Variants in TPR observed in about 807,000 individuals in gnomAD.
The protein encoded by TPR is nucleoprotein TPR.
In TPR, 51 loss-of-function variants were observed where a neutral mutation model predicts 316.1. The observed-to-expected ratio is 0.16, with a 90% CI of 0.13 to 0.20. The LOEUF (loss-of-function observed/expected upper bound fraction) is 0.20. TPR is among the 10% of genes least tolerant of loss of function. The pLI is 1.00. For missense variants in TPR, 2,272 were observed against 2,754.8 expected (o/e 0.82, Z 3.92); for synonymous variants, 981 against 914.7 (o/e 1.07, Z -1.31).
chr1:186,359,814 A>C lies in TPR; in HGVS notation c.1374T>G (p.Leu458=), dbSNP rs756365134. ...QKAVASLSVK[L]EQAMKEIQRL... is the part of the protein sequence containing the mutation. ...TGGAACCAACCTTCATAGCTTGTTCAAGCTTAACAGATAAACTTGCTACAG... is the reference window on the plus strand; with the variant it reads ...TGGAACCAACCTTCATAGCTTGTTCCAGCTTAACAGATAAACTTGCTACAG... The change falls in exon 12 of 51, where the codon CTT becomes CTG. Residue 458 remains leucine, a synonymous_variant. Coordinates refer to ENST00000367478, the MANE Select transcript of TPR (RefSeq NM_003292.3). 6.3e-7 allele frequency: 1 copy of C among 1,582,814 alleles called. No individual in the cohort carries two copies. Among genetic ancestry groups the C allele is most frequent in the Admixed American group, 2.0e-5 (1 of 50,062 alleles).
At chr1:186,358,817 T>A (rs566604087) in intron 12 of TPR, among the ~76,000 whole-genome samples, 167 bp from the exon 13 acceptor site, 101 of 152,190 alleles carry the variant, frequency 6.6e-4, no homozygotes, top group Non-Finnish European at 1.3e-3. Context: ...AATTTGAATA[T>A]GTTATTTCTC....
chr1:186,363,956 T>C (rs1659263474), intron 4 of TPR, among the ~76,000 whole-genome samples: 1 of 152,180 alleles, frequency 6.6e-6, no homozygotes, highest in South Asian at 2.1e-4. Context: ...TGGAATACTT[T>C]CATAGCCACC....
rs1450768672 is a variant in TPR, at chr1:186,311,694, TG to T, written c.*2276del. 24 of 1,265,304 alleles carry T rather than the reference TG, an allele frequency of 1.9e-5. No homozygotes were observed. The Admixed American group carries it at 3.9e-4, about 21-fold the overall frequency. 78.4% of individuals were successfully genotyped at this position (1,265,304 alleles called of 1,614,324 possible). The stretch of plus-strand genomic sequence containing the variant: ...CTTTACTGTCAAAAGATATCTTTAA[TG>T]GCTGAAATCAAATATTTTCAGTGAA... On this transcript the variant is annotated 3_prime_UTR_variant, in exon 51 of 51. Coordinates refer to ENST00000367478, the MANE Select transcript of TPR (RefSeq NM_003292.3).
intron 46 of TPR, 81 bp from the exon 47 acceptor site, chr1:186,318,909 T>G: frequency 7.5e-7 from 1 of 1,326,866 alleles, no homozygotes. Context: ...AAGAAAAATA[T>G]TAATTATTGG....
rs533284595 is a variant in TPR, at chr1:186,319,069, T to A, written c.6569-241A>T. On this transcript the variant is annotated intron_variant, in intron 46 of 50. Transcript: ENST00000367478. ...GCAGTGACACCACCATAGCTCACTGTAGCCTCAAACTCCTGGGCTCAAGTG... is the reference window on the plus strand; with the variant it reads ...GCAGTGACACCACCATAGCTCACTGAAGCCTCAAACTCCTGGGCTCAAGTG... Among the ~76,000 whole-genome samples the A allele has an allele frequency of 2.4e-4, 37 of 152,290 alleles. 1 individual carries two copies. The highest frequency in any genetic ancestry group is 8.2e-4 in the African/African-American group (34 of 41,562).
intron 18 of TPR, among the ~76,000 whole-genome samples, chr1:186,353,036 A>G (rs140017958): frequency 6.6e-6 from 1 of 152,208 alleles, no homozygotes; most frequent in Admixed American, 6.5e-5. Context: ...AATGCAATGT[A>G]ATTTTTATAT....
intron 22 of TPR, among the ~76,000 whole-genome samples, chr1:186,346,494 T>C (rs1157633025): frequency 6.6e-6 from 1 of 152,226 alleles, no homozygotes; most frequent in Non-Finnish European, 1.5e-5. Flanking sequence ...TCATCTTGGC[T>C]ACTGGCCATT....
At chr1:186,363,106 C>G in intron 5 of TPR, 105 bp from the exon 6 acceptor site, 1 of 1,281,978 alleles carries the variant, frequency 7.8e-7, no homozygotes, top group Non-Finnish European at 1.1e-6. Flanking sequence ...TATTTCAAAA[C>G]AGAAATTAAG....
At chr1:186,343,584 C>T (rs903899252) in intron 26 of TPR, 111 bp from the exon 27 acceptor site, 27 of 969,684 alleles carry the variant, frequency 2.8e-5, no homozygotes, top group Middle Eastern at 4.4e-4. Context: ...AACTATTACA[C>T]GTTTTCATTA....
intron 3 of TPR, among the ~76,000 whole-genome samples, chr1:186,368,491 T>C (rs1231419159): frequency 6.6e-6 from 1 of 151,978 alleles, no homozygotes; most frequent in Non-Finnish European, 1.5e-5. Flanking sequence ...ATGCCTGCGG[T>C]CCCACCTACT....
chr1:186,355,475 T>C lies in TPR; in HGVS notation c.2106A>G (p.Glu702=). The change falls in exon 17 of 51, where the codon GAA becomes GAG. Residue 702 remains glutamate, a synonymous_variant. Coordinates refer to ENST00000367478, the MANE Select transcript of TPR (RefSeq NM_003292.3). ...IQNEQLEKLQ[E]QVTDLRSQNT... ...TTTGTGATCGCAAATCTGTAACTTG[T>C]TCTTGAAGTTTCTCAAGCTGCTCAT... The C allele has an allele frequency of 6.2e-7, 1 of 1,612,948 alleles. No individual in the cohort carries two copies. Among genetic ancestry groups the C allele is most frequent in the Non-Finnish European group, 8.5e-7 (1 of 1,179,824 alleles).
At chr1:186,374,108 A>G (rs1659615999) in intron 1 of TPR, among the ~76,000 whole-genome samples, 1 of 152,198 alleles carries the variant, frequency 6.6e-6, no homozygotes, top group South Asian at 2.1e-4. Flanking sequence ...CTTGTTCAGA[A>G]TTTCCAGTCA....
At chr1:186,318,697 A>G (rs752763689) in intron 47 of TPR, 36 bp downstream of exon 47, 2 of 1,610,784 alleles carry the variant, frequency 1.2e-6, no homozygotes, top group African/African-American at 1.3e-5. Flanking sequence ...CATTTTACCA[A>G]TAAAACAGAA....
intron 37 of TPR, 85 bp downstream of exon 37, chr1:186,333,037 T>A: frequency 6.9e-7 from 1 of 1,457,622 alleles, no homozygotes; most frequent in Non-Finnish European, 9.2e-7. Flanking sequence ...GTACAAAGAA[T>A]ACTCAAGATA....
chr1:186,334,155 C>G (rs1658268817), intron 36 of TPR, among the ~76,000 whole-genome samples, 170 bp downstream of exon 36: 1 of 152,146 alleles, frequency 6.6e-6, no homozygotes, highest in Non-Finnish European at 1.5e-5. Flanking sequence ...TTTGTCATTA[C>G]AAGTGAAAAT....
intron 27 of TPR, chr1:186,341,641 G>T: frequency 1.3e-5 from 5 of 385,374 alleles, no homozygotes; most frequent in South Asian, 5.6e-5. Context: ...ATTAACATTA[G>T]GTAAAAACAT....
At chr1:186,368,546 G>A (rs1659412912) in intron 3 of TPR, among the ~76,000 whole-genome samples, 1 of 152,176 alleles carries the variant, frequency 6.6e-6, no homozygotes, top group South Asian at 2.1e-4. Context: ...GGAGGCAGAG[G>A]TTGCAGTGAG....
At position 186,336,663 on chromosome 1, in the gene TPR, T is replaced by C; in HGVS notation, c.4538A>G (p.Asn1513Ser). ...AAGTTGCACAGTCTGTTCCTGGAGA[T>C]TTCTTGCTTCTGTCTCTTTTTCAGA... ...TLSEKETEAR[N>S]LQEQTVQLQS... Residue 1513 changes from asparagine to serine, a missense_variant, in exon 33 of 51, where the codon AAT becomes AGT. Physicochemically the swap from Asn to Ser is conservative, Grantham distance 46. This residue lies in a region of TPR where 101 missense variants were observed against 113.0 expected (regional missense o/e 0.89). Coordinates refer to ENST00000367478, the MANE Select transcript of TPR (RefSeq NM_003292.3). 2 of 1,613,644 alleles carry C rather than the reference T, an allele frequency of 1.2e-6. No homozygotes were observed. Among genetic ancestry groups the C allele is most frequent in the Non-Finnish European group, 1.7e-6 (2 of 1,179,824 alleles).
At chr1:186,337,395 C>T (rs1343195321) in intron 31 of TPR, among the ~76,000 whole-genome samples, 1 of 152,004 alleles carries the variant, frequency 6.6e-6, no homozygotes, top group East Asian at 1.9e-4. Flanking sequence ...GAATTTTCAA[C>T]ACTTAACTGT....
Sources: allele counts gnomAD v4.1 joint callset (sites outside exome capture counted in the v4.1 genomes callset), GRCh38; gene constraint gnomAD v4.1.1; regional missense constraint gnomAD v4.1.1; transcripts MANE v1.5; gene names NCBI Gene and HGNC (gene_info 2026-07-23, HGNC 2026-07-21).